PRDM11: variants seen among roughly 807,000 people sequenced by gnomAD.
PRDM11 encodes the protein PR domain-containing protein 11.
A neutral mutation model predicts 97.8 loss-of-function variants in PRDM11; 20 were observed. The observed-to-expected ratio is 0.20, with a 90% CI of 0.14 to 0.30. The LOEUF is 0.30. Ranked by LOEUF, PRDM11 falls within the 10% of genes least tolerant of loss-of-function variation. PRDM11 has a pLI of 1.00. For missense variants in PRDM11, 1,139 were observed against 1,555.2 expected (o/e 0.73, Z 4.50); for synonymous variants, 599 against 637.7 (o/e 0.94, Z 0.91).
chr11:45,107,592 C>T (rs901116979), intron 1 of PRDM11, among the ~76,000 whole-genome samples: 5 of 151,910 alleles, frequency 3.3e-5, no homozygotes, highest in African/African-American at 1.2e-4. Context: ...TGCCATCTGC[C>T]TTTAAGGAAA....
At chr11:45,222,869 C>G (rs1489994135) in intron 6 of PRDM11, among the ~76,000 whole-genome samples, 1 of 152,184 alleles carries the variant, frequency 6.6e-6, no homozygotes, top group Non-Finnish European at 1.5e-5. Context: ...GGCCCCTGCA[C>G]CTGGTCTAGG....
intron 7 of PRDM11, 156 bp downstream of exon 7, chr11:45,224,999 A>C (rs112453689): frequency 2.7e-6 from 4 of 1,493,844 alleles, no homozygotes; most frequent in African/African-American, 1.4e-5. Context: ...CCAGGTCCTC[A>C]GTGTCTCTGG....
intron 1 of PRDM11, among the ~76,000 whole-genome samples, chr11:45,124,731 T>G (rs1852524244): frequency 6.6e-6 from 1 of 152,228 alleles, no homozygotes; most frequent in South Asian, 2.1e-4. Context: ...TGCTGCTGGA[T>G]TCAGTTTGCC....
intron 1 of PRDM11, among the ~76,000 whole-genome samples, chr11:45,134,797 G>A (rs1010278911): frequency 6.8e-6 from 1 of 146,164 alleles, no homozygotes; most frequent in African/African-American, 2.5e-5. Flanking sequence ...ATAGCAATTT[G>A]ATGCAGCAGC....
At chr11:45,193,289 C>T (rs1488079265) in intron 4 of PRDM11, among the ~76,000 whole-genome samples, 2 of 152,110 alleles carry the variant, frequency 1.3e-5, no homozygotes, top group South Asian at 2.1e-4. Context: ...TTTGCTTTGC[C>T]GGAGTGCAAC....
At chr11:45,126,305 G>A (rs1175844127) in intron 1 of PRDM11, among the ~76,000 whole-genome samples, 1 of 152,040 alleles carries the variant, frequency 6.6e-6, no homozygotes, top group Non-Finnish European at 1.5e-5. Context: ...GCCAGTCTGT[G>A]TCTTTTAATT....
intron 1 of PRDM11, among the ~76,000 whole-genome samples, chr11:45,158,398 G>T (rs997694276): frequency 1.3e-5 from 2 of 152,226 alleles, no homozygotes; most frequent in Non-Finnish European, 1.5e-5. Context: ...CAGACAGGCT[G>T]GGCCCCAGCA....
rs1427423432 is a variant in PRDM11, at chr11:45,232,361, C to T, written c.*4202C>T. 6.6e-6 allele frequency: 1 copy of T among 152,370 alleles called. No individual in the cohort carries two copies. Among genetic ancestry groups the T allele is most frequent in the Admixed American group, 6.5e-5 (1 of 15,288 alleles). The allele number at this position is 152,370 out of a possible 1,614,324, so 9.4% of individuals were successfully genotyped here. A position where few individuals can be genotyped will look rare whatever the true frequency, so the allele number is the denominator to read the frequency against. The stretch of plus-strand genomic sequence containing the variant: ...CTGGATCCCCCCTTTCATTTTCCTT[C>T]TACCCCCTCTAGGAATGGGAGTTCT... On this transcript the variant is annotated 3_prime_UTR_variant, in exon 8 of 8. Coordinates refer to ENST00000683152, the MANE Select transcript of PRDM11 (RefSeq NM_001384648.1).
rs1554976394 is a variant in PRDM11 at position 45,228,265 on chromosome 11, T to TTATATTA, written c.*111_*112insTATATAT. On this transcript the variant is annotated 3_prime_UTR_variant, in exon 8 of 8. Coordinates refer to ENST00000683152, the MANE Select transcript of PRDM11 (RefSeq NM_001384648.1). ...ATATATTATATTATATTATATTATA[T>TTATATTA]TATATATATATATATATATAAACTC... 13 of 119,532 alleles carry TTATATTA rather than the reference T, an allele frequency of 1.1e-4. No homozygotes were observed. Among genetic ancestry groups the TTATATTA allele is most frequent in the African/African-American group, 3.2e-4 (6 of 18,632 alleles). The allele number at this position is 119,532 out of a possible 1,614,324, so 7.4% of individuals were successfully genotyped here. A position where few individuals can be genotyped will look rare whatever the true frequency, so the allele number is the denominator to read the frequency against.
chr11:45,201,041 A>T (rs1853308503), intron 4 of PRDM11, among the ~76,000 whole-genome samples: 1 of 152,134 alleles, frequency 6.6e-6, no homozygotes, highest in African/African-American at 2.4e-5. Context: ...CATGGTGTAA[A>T]TGCTCCCCCC....
At chr11:45,154,422 T>TC (rs545287063) in intron 1 of PRDM11, among the ~76,000 whole-genome samples, 149 of 152,250 alleles carry the variant, frequency 9.8e-4, no homozygotes, top group African/African-American at 3.5e-3. Context: ...CTTCTCCCCA[T>TC]CCCAGGAACC....
chr11:45,098,344 G>A (rs1184165110), intron 1 of PRDM11, among the ~76,000 whole-genome samples: 1 of 152,230 alleles, frequency 6.6e-6, no homozygotes, highest in Non-Finnish European at 1.5e-5. Context: ...TTGAGCAGGG[G>A]ATGTGTACCT....
chr11:45,136,989 CAAAAAAAAAA>C (rs759854361), intron 1 of PRDM11, among the ~76,000 whole-genome samples: 27 of 110,080 alleles, frequency 2.5e-4, no homozygotes, highest in South Asian at 2.4e-3. Context: ...ACTAAAAATA[CAAAAAAAAAA>C]AAAAAGAAAA....
chr11:45,102,439 A>C (rs1005795604), intron 1 of PRDM11, among the ~76,000 whole-genome samples: 2 of 152,216 alleles, frequency 1.3e-5, no homozygotes, highest in Non-Finnish European at 2.9e-5. Flanking sequence ...ACTAAAGTTC[A>C]GCCTTGCAGC....
intron 7 of PRDM11, chr11:45,225,065 G>T: frequency 1.4e-6 from 2 of 1,438,864 alleles, no homozygotes; most frequent in South Asian, 3.0e-5. Flanking sequence ...TATCCTCCTT[G>T]TCAATAAAGG....
chr11:45,191,761 G>A (rs1852921113), intron 4 of PRDM11, among the ~76,000 whole-genome samples: 1 of 152,164 alleles, frequency 6.6e-6, no homozygotes, highest in South Asian at 2.1e-4. Flanking sequence ...AATGGTAGGT[G>A]TGCAATTGCT....
Position 45,219,802 on chromosome 11 carries a change from AG to A in PRDM11, c.742+49del. The A allele has an allele frequency of 6.4e-7, 1 of 1,574,244 alleles. No individual in the cohort carries two copies. The highest frequency in any genetic ancestry group is 8.6e-7 in the Non-Finnish European group (1 of 1,157,516). Reference sequence around the variant, plus strand: ...TGAGCTGCGCCCACCTCTGAGCCCCAGGGGAGGCCTGGATAGCTTGTTTTGG... The same window carrying A: ...TGAGCTGCGCCCACCTCTGAGCCCCAGGGAGGCCTGGATAGCTTGTTTTGG... On this transcript the variant is annotated intron_variant, in intron 6 of 7. Transcript: ENST00000683152. This position sits in a 1 kb window ranked among gnomAD's most constrained non-coding sequence, Gnocchi z 4.2.
chr11:45,113,260 G>A (rs1852223443), intron 1 of PRDM11, among the ~76,000 whole-genome samples: 1 of 152,140 alleles, frequency 6.6e-6, no homozygotes, highest in African/African-American at 2.4e-5. Context: ...GCAGTTGGCT[G>A]TACTTATTTG....
chr11:45,163,491 G>GGA (rs1554968590), intron 1 of PRDM11, among the ~76,000 whole-genome samples: 2 of 151,754 alleles, frequency 1.3e-5, no homozygotes, highest in African/African-American at 4.8e-5. Flanking sequence ...TTGAGGATGG[G>GGA]GGGGGGTACC....
Sources: allele counts gnomAD v4.1 joint callset (sites outside exome capture counted in the v4.1 genomes callset), GRCh38; gene constraint gnomAD v4.1.1; non-coding constraint Gnocchi (gnomAD v3.1); transcripts MANE v1.5; gene names NCBI Gene and HGNC (gene_info 2026-07-23, HGNC 2026-07-21).